GRIA4: variants seen among roughly 807,000 people sequenced by gnomAD.
GRIA4 encodes glutamate receptor 4.
In GRIA4, 34 loss-of-function variants were observed where a neutral mutation model predicts 104.0. The observed-to-expected ratio is 0.33, with a 90% CI of 0.25 to 0.44. GRIA4 has a LOEUF of 0.44. GRIA4 is among the 20% of genes least tolerant of loss of function. The probability of loss-of-function intolerance (pLI) is 1.00; values close to 1 mark genes in which losing one functional copy is unlikely to be tolerated. For synonymous variants in GRIA4, 386 were observed against 381.9 expected, an observed-to-expected ratio of 1.01 and a Z score of -0.13; for missense variants, 750 against 1,096.5, an observed-to-expected ratio of 0.68 and a Z score of 4.46.
chr11:105,790,568 C>T (rs140340660), intron 4 of GRIA4, among the ~76,000 whole-genome samples: 1 of 152,148 alleles, frequency 6.6e-6, no homozygotes, highest in African/African-American at 2.4e-5. Context: ...CATGAAGCAT[C>T]CCAAATGTAA....
At chr11:105,808,557 C>A (rs668120) in intron 4 of GRIA4, among the ~76,000 whole-genome samples, 1 of 151,778 alleles carries the variant, frequency 6.6e-6, no homozygotes, top group Non-Finnish European at 1.5e-5. Flanking sequence ...TTGAGCATAC[C>A]TGTAATTCAA....
intron 4 of GRIA4, among the ~76,000 whole-genome samples, chr11:105,787,975 A>C (rs1244549588): frequency 3.9e-5 from 6 of 152,144 alleles, no homozygotes; most frequent in African/African-American, 1.4e-4. Context: ...CCCATTACAA[A>C]GAAGAGCTTC....
intron 3 of GRIA4, among the ~76,000 whole-genome samples, chr11:105,752,257 T>C (rs1237394528): frequency 2.0e-5 from 3 of 152,170 alleles, no homozygotes; most frequent in Admixed American, 6.6e-5. Flanking sequence ...CTTACTTTAT[T>C]TGGCTTGCTT....
In GRIA4 at chr11:105,611,598, C is replaced by A. The variant is rs893827336; in HGVS notation, c.88+513C>A. 1.6e-4 allele frequency among the ~76,000 whole-genome samples: 25 copies of A among 152,146 alleles called. 1 individual carries two copies. Among genetic ancestry groups the A allele is most frequent in the African/African-American group, 6.0e-4 (25 of 41,432 alleles). On this transcript the variant is annotated intron_variant, in intron 2 of 16. Transcript: ENST00000282499. ...AGTTAGCAGATTCCAAAGTTAGATC[C>A]CTTTCCTGGAAGCTTCTCCCCTTTT...
chr11:105,815,614 T>C (rs1943345389), intron 4 of GRIA4, among the ~76,000 whole-genome samples: 1 of 151,946 alleles, frequency 6.6e-6, no homozygotes, highest in Non-Finnish European at 1.5e-5. Flanking sequence ...GAAAGCTGAG[T>C]GCAAAACTTT....
At chr11:105,911,906 T>TGATC (rs776710397) in intron 10 of GRIA4, 2 of 1,561,260 alleles carry the variant, frequency 1.3e-6, no homozygotes, top group Non-Finnish European at 1.8e-6. Flanking sequence ...TTTAAGAAAT[T>TGATC]GATCAAGAAA....
At position 105,910,507 on chromosome 11, in the gene GRIA4, G is replaced by C; in HGVS notation, c.1231G>C (p.Ala411Pro). Reference sequence around the variant, plus strand: ...ACCAACTCTTGGCAATGACACAGCTGCTATTGAGAACAGAACAGTGGTTGT... The same window carrying C: ...ACCAACTCTTGGCAATGACACAGCTCCTATTGAGAACAGAACAGTGGTTGT... Reference protein sequence around the residue: ...DVPTLGNDTAAIENRTVVVTT... With the variant: ...DVPTLGNDTAPIENRTVVVTT... Residue 411 changes from alanine (A) to proline (P), a missense_variant, in exon 10 of 17, where the codon GCT becomes CCT. Physicochemically the swap from Ala to Pro is conservative, Grantham distance 27 (BLOSUM62 -1). Coordinates refer to ENST00000282499, the MANE Select transcript of GRIA4 (RefSeq NM_000829.4). The C allele has an allele frequency of 1.3e-6, 2 of 1,591,982 alleles. No homozygotes were observed. Among genetic ancestry groups the C allele is most frequent in the Non-Finnish European group, 1.7e-6 (2 of 1,159,986 alleles).
chr11:105,690,942 C>T (rs984987684), intron 3 of GRIA4, among the ~76,000 whole-genome samples: 1 of 152,054 alleles, frequency 6.6e-6, no homozygotes, highest in African/African-American at 2.4e-5. Context: ...GAATATGTGT[C>T]TTTTAAACTC....
intron 14 of GRIA4, among the ~76,000 whole-genome samples, chr11:105,970,014 TG>T (rs1232862011): frequency 6.6e-6 from 1 of 152,086 alleles, no homozygotes; most frequent in Non-Finnish European, 1.5e-5. Flanking sequence ...GAGTAGTGGT[TG>T]GTATGGATAG....
At chr11:105,634,643 C>A (rs1323539141) in intron 3 of GRIA4, among the ~76,000 whole-genome samples, 1 of 152,130 alleles carries the variant, frequency 6.6e-6, no homozygotes. Flanking sequence ...GACCCTCGAC[C>A]AGAAATCAGA....
At chr11:105,918,618 C>T in intron 10 of GRIA4, 94 bp from the exon 11 acceptor site, 2 of 665,198 alleles carry the variant, frequency 3.0e-6, no homozygotes, top group South Asian at 3.6e-5. Flanking sequence ...ATACTAAATA[C>T]AATCTTTTGT....
At chr11:105,735,871 A>C (rs1436167080) in intron 3 of GRIA4, among the ~76,000 whole-genome samples, 1 of 152,150 alleles carries the variant, frequency 6.6e-6, no homozygotes. Context: ...AACAGCTCAA[A>C]TTTAAGAGCA....
intron 4 of GRIA4, among the ~76,000 whole-genome samples, chr11:105,766,830 T>G (rs1480662816): frequency 6.6e-6 from 1 of 152,120 alleles, no homozygotes; most frequent in Non-Finnish European, 1.5e-5. Context: ...CCTGGAATAC[T>G]CTTGCCACAT....
At chr11:105,887,396 T>C (rs1407465604) in intron 5 of GRIA4, 123 bp from the exon 6 acceptor site, 1 of 508,640 alleles carries the variant, frequency 2.0e-6, no homozygotes, top group African/African-American at 2.0e-5. Flanking sequence ...CTTTTATTTT[T>C]TAAAAAACTA....
chr11:105,868,491 A>G (rs561753275), intron 5 of GRIA4, among the ~76,000 whole-genome samples: 15 of 152,254 alleles, frequency 9.9e-5, no homozygotes, highest in Non-Finnish European at 2.1e-4. Flanking sequence ...TAGGGGTTCA[A>G]ACAACAATTG....
In GRIA4 at chr11:105,910,465, G is replaced by C. The variant is rs1565335968; in HGVS notation, c.1189G>C (p.Val397Leu). The change falls in exon 10 of 17, where the codon GTC becomes CTC. Residue 397 changes from valine (V) to leucine (L), a missense_variant. Transcript: ENST00000282499. The stretch of plus-strand genomic sequence containing the variant: ...TTACTGGAATGATATGGATAAGTTA[G>C]TCTTGATTCAAGATGTACCAACTCT... ...VGYWNDMDKL[V>L]LIQDVPTLGN... is the part of the protein sequence containing the mutation. 6.3e-7 allele frequency: 1 copy of C among 1,593,804 alleles called. No homozygotes were observed. The highest frequency in any genetic ancestry group is 8.6e-7 in the Non-Finnish European group (1 of 1,161,626).
At chr11:105,899,486 C>T (rs1591418342) in intron 7 of GRIA4, among the ~76,000 whole-genome samples, 1 of 152,166 alleles carries the variant, frequency 6.6e-6, no homozygotes, top group African/African-American at 2.4e-5. Context: ...TCCAACTAGA[C>T]TTGTCTATGC....
At chr11:105,625,107 G>C (rs1336453278) in intron 3 of GRIA4, among the ~76,000 whole-genome samples, 1 of 152,006 alleles carries the variant, frequency 6.6e-6, no homozygotes, top group Non-Finnish European at 1.5e-5. Flanking sequence ...TCTTGTATAT[G>C]CCTTGGAAGA....
chr11:105,796,310 T>G (rs187272178), intron 4 of GRIA4, among the ~76,000 whole-genome samples: 1 of 152,302 alleles, frequency 6.6e-6, no homozygotes, highest in Middle Eastern at 3.4e-3. Context: ...AAATCTTCAA[T>G]CTGTCATTTT....
Sources: allele counts gnomAD v4.1 joint callset (sites outside exome capture counted in the v4.1 genomes callset), GRCh38; gene constraint gnomAD v4.1.1; transcripts MANE v1.5; gene names NCBI Gene and HGNC (gene_info 2026-07-23, HGNC 2026-07-21).